The following PTK2 variants were observed in gnomAD, a reference collection of about 807,000 sequenced individuals.
PTK2 encodes the protein focal adhesion kinase 1.
In PTK2, 45 loss-of-function variants were observed where a neutral mutation model predicts 150.1. The ratio of observed to expected loss-of-function variants is 0.30; its 90% confidence interval spans 0.24 to 0.38. The LOEUF (loss-of-function observed/expected upper bound fraction) is 0.38. PTK2 is among the 10% of genes least tolerant of loss of function. The probability of loss-of-function intolerance (pLI) is 1.00; values close to 1 mark genes in which losing one functional copy is unlikely to be tolerated. For missense variants in PTK2, 919 were observed against 1,307.3 expected, an observed-to-expected ratio of 0.70 and a Z score of 4.58; for synonymous variants, 432 against 449.2, an observed-to-expected ratio of 0.96 and a Z score of 0.48.
At chr8:140,715,155 GTTTTTTT>G (rs67306225) in intron 23 of PTK2, among the ~76,000 whole-genome samples, 899 of 55,970 alleles carry the variant, frequency 0.016, 140 homozygotes, top group African/African-American at 0.053. Flanking sequence ...CATTAAAACC[GTTTTTTT>G]TTTTTTTTTT....
At chr8:140,728,582 G>A (rs2100047314) in intron 22 of PTK2, among the ~76,000 whole-genome samples, 4 of 152,124 alleles carry the variant, frequency 2.6e-5, no homozygotes, top group African/African-American at 7.2e-5. Context: ...GCAGTGGCAC[G>A]ATCTCGGCTC....
intron 4 of PTK2, among the ~76,000 whole-genome samples, chr8:140,866,402 C>T (rs1181960813): frequency 3.3e-5 from 5 of 152,166 alleles, no homozygotes; most frequent in Non-Finnish European, 4.4e-5. Context: ...CATTTTCTGT[C>T]CATTTAGTGT....
chr8:140,689,535 T>G (rs1452596520), intron 26 of PTK2, among the ~76,000 whole-genome samples: 2 of 152,242 alleles, frequency 1.3e-5, no homozygotes. Flanking sequence ...ATTGATTAGC[T>G]AACAGTATTG....
At chr8:140,878,227 C>T (rs1018291461) in intron 4 of PTK2, among the ~76,000 whole-genome samples, 1 of 152,160 alleles carries the variant, frequency 6.6e-6, no homozygotes, top group African/African-American at 2.4e-5. Context: ...TAGCTTGGTA[C>T]CAGCTACCTG....
In PTK2 at chr8:140,662,519, G is replaced by C. The variant is rs2082014557; in HGVS notation, c.2946+2398C>G. ...AACTGAGGCTTGTCATGGAAAGCCA[G>C]AGGCCCGGTGAAGCAGGTAAGTGAG... On this transcript the variant is annotated intron_variant, in intron 31 of 31. Transcript: ENST00000522684. 3 of 400,014 alleles carry C rather than the reference G, an allele frequency of 7.5e-6. No homozygotes were observed. In the East Asian group the frequency reaches 1.1e-4, roughly 14 times the overall value. 24.8% of individuals were successfully genotyped at this position (400,014 alleles called of 1,614,324 possible).
At chr8:140,679,277 G>A (rs2100015754) in intron 27 of PTK2, among the ~76,000 whole-genome samples, 1 of 151,642 alleles carries the variant, frequency 6.6e-6, no homozygotes, top group African/African-American at 2.4e-5. Context: ...TGCTCGCCTC[G>A]GCCTCCCAAA....
chr8:140,697,024 CTTGGGAGGCTGAG>C (rs2100027008), intron 26 of PTK2, among the ~76,000 whole-genome samples: 1 of 149,022 alleles, frequency 6.7e-6, no homozygotes, highest in Non-Finnish European at 1.5e-5. Context: ...GTCCCAGCTA[CTTGGGAGGCTGAG>C]GTGGGAGGAC....
chr8:140,947,745 T>C (rs370424744), intron 1 of PTK2, among the ~76,000 whole-genome samples: 2 of 152,008 alleles, frequency 1.3e-5, no homozygotes, highest in African/African-American at 4.8e-5. Context: ...GAGACAAAAC[T>C]CAAGTGAATC....
chr8:140,830,938 A>T lies in PTK2; in HGVS notation c.594-412T>A, dbSNP rs551637654. On this transcript the variant is annotated intron_variant, in intron 7 of 31. Coordinates refer to ENST00000522684, the Ensembl canonical transcript of PTK2. ...AAATAGCTAGCCTGATTAGTAAATG[A>T]TTCAGGATATACCCGAGAAGTTACA... 6.6e-5 allele frequency among the ~76,000 whole-genome samples: 10 copies of T among 152,266 alleles called. No homozygotes were observed. The South Asian group carries it at 2.1e-3, about 32-fold the overall frequency.
upstream of PTK2, chr8:141,001,948 A>T (rs1305295162): frequency 6.6e-6 from 1 of 152,266 alleles, no homozygotes; most frequent in Non-Finnish European, 1.5e-5. Context: ...CACTGGAGGT[A>T]GACAGGTTAC....
intron 23 of PTK2, among the ~76,000 whole-genome samples, chr8:140,709,396 A>G (rs1173869309): frequency 6.6e-6 from 1 of 152,252 alleles, no homozygotes; most frequent in African/African-American, 2.4e-5. Flanking sequence ...TGCACAAAGG[A>G]CAACACAAAA....
intron 2 of PTK2, among the ~76,000 whole-genome samples, chr8:140,908,944 A>G (rs1434121047): frequency 6.6e-6 from 1 of 152,226 alleles, no homozygotes. Flanking sequence ...GGCCGGGCAC[A>G]GTGGCTCACG....
chr8:140,901,532 G>A (rs2100158433), intron 2 of PTK2, among the ~76,000 whole-genome samples: 2 of 151,942 alleles, frequency 1.3e-5, no homozygotes, highest in Non-Finnish European at 2.9e-5. Context: ...ATCTGACAAC[G>A]GATTAATAAC....
chr8:140,795,813 T>A lies in PTK2; in HGVS notation c.1094-2429A>T, dbSNP rs2100091211. ...AGTATTACTCGTCACTATTCCCTGA[T>A]TCTATACTACTGCACATTGTATTCC... On this transcript the variant is annotated intron_variant, in intron 12 of 31. Transcript: ENST00000522684. 4.6e-5 allele frequency among the ~76,000 whole-genome samples: 7 copies of A among 152,344 alleles called. No individual in the cohort carries two copies. In the South Asian group the frequency reaches 1.4e-3, roughly 32 times the overall value.
At chr8:140,768,698 GTGTCACA>G (rs1565974427) in intron 14 of PTK2, among the ~76,000 whole-genome samples, 2 of 152,194 alleles carry the variant, frequency 1.3e-5, no homozygotes, top group African/African-American at 2.4e-5. Flanking sequence ...AGTCAGTAAA[GTGTCACA>G]TGCAGAAAGC....
At chr8:140,982,075 A>AC (rs2100191651) in intron 1 of PTK2, among the ~76,000 whole-genome samples, 8 of 135,752 alleles carry the variant, frequency 5.9e-5, no homozygotes, top group South Asian at 2.4e-4. Flanking sequence ...AAAAAAAAAA[A>AC]AAAAAAAATG....
At chr8:140,967,461 C>CTT (rs137959476) in intron 1 of PTK2, among the ~76,000 whole-genome samples, 37 of 121,522 alleles carry the variant, frequency 3.0e-4, no homozygotes, top group African/African-American at 1.0e-3. Flanking sequence ...TTCTTTCTTT[C>CTT]TTTTTTTTTT....
chr8:140,735,538 G>T (rs1659387469), intron 21 of PTK2, 83 bp from the exon 25 acceptor site: 2 of 1,387,902 alleles, frequency 1.4e-6, no homozygotes, highest in African/African-American at 1.4e-5. Flanking sequence ...GTTCTTCTAG[G>T]CACTCGAGTA....
chr8:140,978,217 A>G (rs2100190039), intron 1 of PTK2, among the ~76,000 whole-genome samples: 1 of 152,258 alleles, frequency 6.6e-6, no homozygotes, highest in African/African-American at 2.4e-5. Context: ...TTCATGTCTA[A>G]AACACCAAAA....
Sources: allele counts gnomAD v4.1 joint callset (sites outside exome capture counted in the v4.1 genomes callset), GRCh38; gene constraint gnomAD v4.1.1; transcripts MANE v1.5; gene names NCBI Gene and HGNC (gene_info 2026-07-23, HGNC 2026-07-21).